CSMD3: variants seen among roughly 807,000 people sequenced by gnomAD.
CSMD3 encodes the protein CUB and Sushi multiple domains 3.
Under a neutral mutation model 435.2 loss-of-function variants are expected in CSMD3, and 177 were observed. The ratio of observed to expected loss-of-function variants is 0.41; its 90% CI spans 0.36 to 0.46. CSMD3 has a LOEUF of 0.46. CSMD3 is among the 20% of genes least tolerant of loss of function. The pLI is 0.34. For missense variants in CSMD3, 4,265 were observed against 4,504.6 expected, an observed-to-expected ratio of 0.95 and a Z score of 1.52; for synonymous variants, 1,656 against 1,520.5, an observed-to-expected ratio of 1.09 and a Z score of -2.07.
chr8:112,311,643 T>C (rs1821987662), intron 49 of CSMD3, among the ~76,000 whole-genome samples: 1 of 152,174 alleles, frequency 6.6e-6, no homozygotes, highest in African/African-American at 2.4e-5. Flanking sequence ...GCCCCCACAT[T>C]CCATAATCCT....
intron 5 of CSMD3, among the ~76,000 whole-genome samples, chr8:113,050,068 G>C (rs188475846): frequency 6.6e-6 from 1 of 152,012 alleles, no homozygotes; most frequent in African/African-American, 2.4e-5. Flanking sequence ...GCTTCATTTA[G>C]AAAATTATCC....
chr8:113,370,109 C>A (rs2094337847), intron 1 of CSMD3, among the ~76,000 whole-genome samples: 1 of 151,410 alleles, frequency 6.6e-6, no homozygotes, highest in African/African-American at 2.4e-5. Context: ...TATTAATTAG[C>A]TAAATTTCAT....
intron 32 of CSMD3, among the ~76,000 whole-genome samples, chr8:112,433,677 G>GAAA (rs1462627800): frequency 3.6e-5 from 5 of 138,422 alleles, no homozygotes; most frequent in Non-Finnish European, 6.1e-5. Context: ...AAAAAAGAAA[G>GAAA]AAAGAAAGAA....
At chr8:113,132,880 C>A (rs1055238836) in intron 4 of CSMD3, among the ~76,000 whole-genome samples, 2 of 152,040 alleles carry the variant, frequency 1.3e-5, no homozygotes, top group African/African-American at 4.8e-5. Context: ...CAAAATGTAT[C>A]CTGTGACCTC....
chr8:112,567,022 C>T (rs148308701), intron 24 of CSMD3, among the ~76,000 whole-genome samples: 1 of 152,132 alleles, frequency 6.6e-6, no homozygotes, highest in Non-Finnish European at 1.5e-5. Context: ...TATTAAACCT[C>T]TGCTCCTAAA....
At chr8:113,357,072 TTA>T (rs1479942045) in intron 1 of CSMD3, among the ~76,000 whole-genome samples, 1 of 152,178 alleles carries the variant, frequency 6.6e-6, no homozygotes, top group Admixed American at 6.5e-5. Flanking sequence ...ATACATATAT[TTA>T]TGTGTTTGTG....
chr8:113,184,910 T>A (rs1289034863), intron 3 of CSMD3, among the ~76,000 whole-genome samples: 1 of 152,078 alleles, frequency 6.6e-6, no homozygotes, highest in Non-Finnish European at 1.5e-5. Context: ...TTCCATAACC[T>A]TCCAGTTACT....
rs964702775 is a variant in CSMD3 at position 112,784,955 on chromosome 8, T to C, written c.1972+15207A>G. ...GATATCAAAACGAGACAAAGACACA[T>C]CAGAAAAAGAAAGCTATAGGCCAAT... On this transcript the variant is annotated intron_variant, in intron 13 of 70. Coordinates refer to ENST00000297405, the MANE Select transcript of CSMD3 (RefSeq NM_198123.2). 4.0e-5 allele frequency among the ~76,000 whole-genome samples: 6 copies of C among 151,648 alleles called. No individual in the cohort carries two copies. In the East Asian group the frequency reaches 1.2e-3, roughly 29 times the overall value.
chr8:112,426,311 C>G (rs1314087838), intron 32 of CSMD3, among the ~76,000 whole-genome samples: 1 of 151,666 alleles, frequency 6.6e-6, no homozygotes. Context: ...TGATTGTGAA[C>G]CTTCTATATT....
intron 4 of CSMD3, among the ~76,000 whole-genome samples, chr8:113,115,601 T>C (rs781678433): frequency 5.9e-5 from 9 of 152,230 alleles, no homozygotes; most frequent in Non-Finnish European, 1.3e-4. Flanking sequence ...CTTTGTGGCA[T>C]TCATCCATAT....
chr8:112,329,190 T>G (rs1823798555), intron 45 of CSMD3, among the ~76,000 whole-genome samples: 1 of 152,136 alleles, frequency 6.6e-6, no homozygotes, highest in African/African-American at 2.4e-5. Flanking sequence ...TTGAGTTCCC[T>G]GGCATATAGA....
At chr8:112,787,127 C>G (rs1186554973) in intron 13 of CSMD3, among the ~76,000 whole-genome samples, 1 of 152,124 alleles carries the variant, frequency 6.6e-6, no homozygotes, top group Non-Finnish European at 1.5e-5. Flanking sequence ...TTAATCCAGT[C>G]TATCATTGAT....
intron 1 of CSMD3, among the ~76,000 whole-genome samples, chr8:113,435,851 C>T (rs554919444): frequency 1.3e-5 from 2 of 152,198 alleles, no homozygotes; most frequent in East Asian, 3.9e-4. Flanking sequence ...AGCTCTTTTT[C>T]CCATGATCCT....
chr8:113,220,677 G>T (rs1386906947), intron 3 of CSMD3, among the ~76,000 whole-genome samples: 2 of 151,302 alleles, frequency 1.3e-5, no homozygotes, highest in African/African-American at 4.8e-5. Flanking sequence ...AATTATCAGT[G>T]GATTGGAAAT....
At chr8:112,400,745 C>T (rs1189720572) in intron 35 of CSMD3, among the ~76,000 whole-genome samples, 2 of 152,092 alleles carry the variant, frequency 1.3e-5, no homozygotes, top group Non-Finnish European at 1.5e-5. Context: ...AAGATAAATC[C>T]TTAGTTGGAT....
intron 5 of CSMD3, among the ~76,000 whole-genome samples, chr8:113,023,088 TC>T (rs1477294743): frequency 6.6e-6 from 1 of 152,062 alleles, no homozygotes; most frequent in African/African-American, 2.4e-5. Context: ...CTGAGCTTAT[TC>T]TTTTTTTTCT....
chr8:112,808,826 T>G (rs2079154761), intron 12 of CSMD3, among the ~76,000 whole-genome samples: 1 of 152,050 alleles, frequency 6.6e-6, no homozygotes, highest in Admixed American at 6.6e-5. Flanking sequence ...GCTAGCCGTC[T>G]CTCGGTCGCC....
intron 27 of CSMD3, among the ~76,000 whole-genome samples, chr8:112,542,343 A>G (rs10110469): frequency 0.2 from 29,981 of 146,660 alleles, 3,780 homozygotes; most frequent in East Asian, 0.47. Flanking sequence ...GGCCTCCAAA[A>G]TGAAAAAAAA....
intron 13 of CSMD3, among the ~76,000 whole-genome samples, chr8:112,694,083 TC>T (rs2076199318): frequency 6.6e-6 from 1 of 151,852 alleles, no homozygotes; most frequent in African/African-American, 2.4e-5. Flanking sequence ...AAATACAATT[TC>T]CCCCCTTAAT....
Sources: gnomAD v4.1 joint callset for allele counts (sites outside exome capture counted in the v4.1 genomes callset) on GRCh38, gnomAD v4.1.1 for gene constraint, MANE v1.5 for transcripts, NCBI Gene and HGNC (gene_info 2026-07-23, HGNC 2026-07-21) for gene names.